MEGF6: variants seen among roughly 807,000 people sequenced by gnomAD.
MEGF6 encodes the protein multiple epidermal growth factor-like domains protein 6.
MEGF6 carries 184 observed loss-of-function variants against 207.1 expected under a neutral mutation model. The ratio of observed to expected loss-of-function variants is 0.89; its 90% CI spans 0.79 to 1.00. The LOEUF (loss-of-function observed/expected upper bound fraction) is 1.00. MEGF6 is among the 50% of genes least tolerant of loss of function. The probability of loss-of-function intolerance (pLI) is 0.00; values close to 1 mark genes in which losing one functional copy is unlikely to be tolerated. For synonymous variants in MEGF6, 1,038 were observed against 910.0 expected, an observed-to-expected ratio of 1.14 and a Z score of -2.53; for missense variants, 2,282 against 2,202.9, an observed-to-expected ratio of 1.04 and a Z score of -0.72.
chr1:3,546,017 T>C (rs1382430400), intron 4 of MEGF6, among the ~76,000 whole-genome samples: 2 of 152,032 alleles, frequency 1.3e-5, no homozygotes, highest in African/African-American at 4.8e-5. Context: ...TTCTGGGAGA[T>C]GATGACAGTA....
rs1251792363 is a variant in MEGF6 at position 3,594,474 on chromosome 1, C to T, written c.376+864G>A. On this transcript the variant is annotated intron_variant, in intron 3 of 36. Coordinates refer to ENST00000356575, the MANE Select transcript of MEGF6 (RefSeq NM_001409.4). The surrounding 1 kb of genome is among the most constrained non-coding windows in gnomAD (Gnocchi z 4.2). ...TAACAAAATAAAAATGTGGGGAGTG[C>T]GTGACTCCCGGCCACACTCCACGGC... 2.0e-5 allele frequency among the ~76,000 whole-genome samples: 3 copies of T among 152,144 alleles called. No individual in the cohort carries two copies. Among genetic ancestry groups the T allele is most frequent in the South Asian group, 4.1e-4 (2 of 4,832 alleles).
At chr1:3,522,301 G>A (rs1326597838) in intron 5 of MEGF6, among the ~76,000 whole-genome samples, 1 of 152,152 alleles carries the variant, frequency 6.6e-6, no homozygotes, top group African/African-American at 2.4e-5. Context: ...CCAGGAGCCG[G>A]GCACCAGCCC....
intron 34 of MEGF6, chr1:3,493,550 C>T (rs776230178): frequency 4.3e-5 from 27 of 630,686 alleles, no homozygotes; most frequent in African/African-American, 1.1e-4. Context: ...GGGGGCCACA[C>T]GGCAGGGCCT....
chr1:3,612,597 C>A (rs138505243), upstream of MEGF6, among the ~76,000 whole-genome samples: 9 of 152,284 alleles, frequency 5.9e-5, no homozygotes, highest in East Asian at 1.7e-3. Context: ...GCCAGCCATG[C>A]CGGTCCCTGC....
chr1:3,492,192 C>G (rs571623730), intron 35 of MEGF6, among the ~76,000 whole-genome samples: 2 of 152,138 alleles, frequency 1.3e-5, no homozygotes, highest in African/African-American at 4.8e-5. Context: ...CCCTGCTGTA[C>G]GCACTGTTGC....
At chr1:3,510,026 T>C in intron 10 of MEGF6, 34 bp from the exon 11 acceptor site, 4 of 1,568,338 alleles carry the variant, frequency 2.6e-6, no homozygotes, top group African/African-American at 1.3e-5. Flanking sequence ...AGGCCTGTGC[T>C]CCCAGGTGGG....
rs767849085 is a variant in MEGF6 at position 3,595,395 on chromosome 1, C to T, written c.319G>A (p.Val107Met). ...RQVYTTEART[V>M]LRCCRGWMQQ... is the part of the protein sequence containing the mutation. ...ATCCACCCTCGGCAGCACCTGAGCA[C>T]GGTCCGGGCCTCCGTGGTATACACC... Residue 107 changes from valine to methionine, a missense_variant, in exon 3 of 37, where the codon GTG becomes ATG. Transcript: ENST00000356575. The T allele has an allele frequency of 2.2e-5, 35 of 1,612,636 alleles. No individual in the cohort carries two copies. The highest frequency in any genetic ancestry group is 5.0e-5 in the Admixed American group (3 of 60,002).
In MEGF6 at chr1:3,498,707, A is replaced by G; in HGVS notation, c.3214T>C (p.Cys1072Arg). ...GCCGCCCAGCGCTCACCCTTCTCAC[A>G]GGCCAGGCCGGCCCAGCCCTCTGGG... is the stretch of plus-strand genomic sequence containing the variant. The part of the protein sequence containing the change: ...ACPEGWAGLA[C>R]EKECLPRDVR... The change falls in exon 25 of 37, where the codon TGT (cysteine) becomes CGT (arginine). Residue 1072 changes from cysteine to arginine, a missense_variant. Transcript: ENST00000356575. The G allele has an allele frequency of 6.4e-7, 1 of 1,568,008 alleles. No individual in the cohort carries two copies. The highest frequency in any genetic ancestry group is 8.6e-7 in the Non-Finnish European group (1 of 1,159,304).
In MEGF6 at chr1:3,560,711, G is replaced by A. The variant is rs1307890658; in HGVS notation, c.481+19114C>T. The A allele has an allele frequency of 4.4e-6, 2 of 458,286 alleles. No individual in the cohort carries two copies. Among genetic ancestry groups the A allele is most frequent in the East Asian group, 7.6e-5 (1 of 13,098 alleles). The allele number at this position is 458,286 out of a possible 1,614,324, so 28.4% of individuals were successfully genotyped here. A position where few individuals can be genotyped will look rare whatever the true frequency, so the allele number is the denominator to read the frequency against. On this transcript the variant is annotated intron_variant, in intron 4 of 36. Transcript: ENST00000356575. The surrounding 1 kb of genome is among the most constrained non-coding windows in gnomAD (Gnocchi z 4.0). The stretch of plus-strand genomic sequence containing the variant: ...CATCTGTGGTTTCCAGGGCAACCCT[G>A]GAAACCAAGAGTGGGTCGCCTAGAA...
At chr1:3,528,016 G>C (rs1642023706) in intron 4 of MEGF6, among the ~76,000 whole-genome samples, 1 of 152,244 alleles carries the variant, frequency 6.6e-6, no homozygotes, top group South Asian at 2.1e-4. Context: ...TGGTGGGGGA[G>C]ACAGGGCCTG....
At chr1:3,494,559 C>G (rs1364738448) in intron 31 of MEGF6, 54 bp downstream of exon 31, 3 of 1,562,632 alleles carry the variant, frequency 1.9e-6, no homozygotes, top group Admixed American at 1.9e-5. Context: ...CCTATGGCAG[C>G]CCAGGGCACC....
intron 5 of MEGF6, among the ~76,000 whole-genome samples, chr1:3,518,441 G>C (rs1050469423): frequency 6.6e-6 from 1 of 152,204 alleles, no homozygotes; most frequent in East Asian, 1.9e-4. Flanking sequence ...CAAAGGTAAA[G>C]GGGCCTCCTT....
chr1:3,493,425 G>A (rs983206367), intron 34 of MEGF6: 1 of 368,826 alleles, frequency 2.7e-6, no homozygotes, highest in Admixed American at 4.5e-5. Flanking sequence ...GGGCCCTCTG[G>A]GCTGGAGGGG....
In MEGF6 at chr1:3,595,475, T is replaced by G. The variant is rs757874606; in HGVS notation, c.267-28A>C. 3 of 1,582,556 alleles carry G rather than the reference T, an allele frequency of 1.9e-6. No homozygotes were observed. In the African/African-American group the frequency reaches 4.0e-5, roughly 21 times the overall value. On this transcript the variant is annotated intron_variant, in intron 2 of 36. Coordinates refer to ENST00000356575, the MANE Select transcript of MEGF6 (RefSeq NM_001409.4). ...AGAAAGAAAGAGAGAAGGGAAGTGC[T>G]TACCGTCGCGGGACTGGCTGTATTC...
chr1:3,598,343 C>T (rs1052202509), intron 2 of MEGF6, among the ~76,000 whole-genome samples: 2 of 152,212 alleles, frequency 1.3e-5, no homozygotes, highest in South Asian at 2.1e-4. Context: ...CCCGGAAGCA[C>T]GTGCTCATGC....
At chr1:3,588,455 G>A (rs1475863961) in intron 3 of MEGF6, among the ~76,000 whole-genome samples, 1 of 87,794 alleles carries the variant, frequency 1.1e-5, no homozygotes, top group Admixed American at 1.1e-4. Context: ...GCCAGGAGGG[G>A]GCAGGAGGGG....
At position 3,512,242 on chromosome 1, in the gene MEGF6, A is replaced by G. The variant is rs11808983; in HGVS notation, c.854-114T>C. Reference sequence around the variant, plus strand: ...CACCCAGGGCCTGTGGCCGCATGACACAGGCATTCAAGGCCAATCCCACTG... The same window carrying G: ...CACCCAGGGCCTGTGGCCGCATGACGCAGGCATTCAAGGCCAATCCCACTG... On this transcript the variant is annotated intron_variant, in intron 7 of 36. Coordinates refer to ENST00000356575, the MANE Select transcript of MEGF6 (RefSeq NM_001409.4). 0.01 allele frequency: 14,356 copies of G among 1,394,150 alleles called. 1,245 individuals carry two copies. The African/African-American group carries it at 0.18, about 18-fold the overall frequency. The allele number at this position is 1,394,150 out of a possible 1,614,324, so 86.4% of individuals were successfully genotyped here. A position where few individuals can be genotyped will look rare whatever the true frequency, so the allele number is the denominator to read the frequency against.
intron 35 of MEGF6, 105 bp from the exon 36 acceptor site, chr1:3,491,064 TC>T: frequency 2.3e-6 from 2 of 871,488 alleles, no homozygotes; most frequent in Non-Finnish European, 1.6e-6. Context: ...GACCTCCACT[TC>T]CCCCGCACAG....
intron 3 of MEGF6, among the ~76,000 whole-genome samples, chr1:3,583,378 A>ACCAGACAACCCG (rs1643849195): frequency 3.5e-4 from 13 of 36,948 alleles, no homozygotes; most frequent in Admixed American, 7.8e-4. Flanking sequence ...CAGACAACCC[A>ACCAGACAACCCG]CAGCCACCAG....
Sources: allele counts gnomAD v4.1 joint callset (sites outside exome capture counted in the v4.1 genomes callset), GRCh38; gene constraint gnomAD v4.1.1; non-coding constraint Gnocchi (gnomAD v3.1); transcripts MANE v1.5; gene names NCBI Gene and HGNC (gene_info 2026-07-23, HGNC 2026-07-21).